DCX: variants seen among roughly 807,000 people sequenced by gnomAD.
DCX encodes doublecortin.
DCX carries 4 observed loss-of-function variants against 20.9 expected under a neutral mutation model. That is an observed-to-expected ratio of 0.19 (90% CI 0.09 to 0.44). The LOEUF is 0.44. Ranked by LOEUF, DCX falls within the 20% of genes least tolerant of loss-of-function variation. The pLI is 0.99. For synonymous variants in DCX, 103 were observed against 111.4 expected (o/e 0.92, Z 0.47); for missense variants, 133 against 296.9 (o/e 0.45, Z 4.06).
chrX:111,403,140 C>G (rs765489837), intron 2 of DCX, among the ~76,000 whole-genome samples: 1 of 111,535 alleles, frequency 9.0e-6, no homozygotes, highest in East Asian at 2.8e-4. Context: ...AGCCAATAAC[C>G]CCCATAACCC....
intron 6 of DCX, 102 bp from the exon 7 acceptor site, chrX:111,301,845 CATA>C: frequency 4.0e-6 from 3 of 748,479 alleles, no homozygotes; most frequent in Non-Finnish European, 6.0e-6. Context: ...ATTTTTACAA[CATA>C]ATAATTATAG....
At chrX:111,362,967 GT>G (rs1924328748) in intron 3 of DCX, among the ~76,000 whole-genome samples, 1 of 112,093 alleles carries the variant, frequency 8.9e-6, no homozygotes, top group African/African-American at 3.2e-5. Flanking sequence ...TTCTCATGTT[GT>G]TTACAGGCTG....
rs200058275 is a variant in DCX, at chrX:111,402,782, G to GGT, written c.365-1454_365-1453dup. Among the ~76,000 whole-genome samples, 311 of 96,860 alleles carry GGT rather than the reference G, an allele frequency of 3.2e-3. 1 individual carries two copies. The highest frequency in any genetic ancestry group is 0.011 in the African/African-American group (291 of 25,743). 84.1% of individuals were successfully genotyped at this position (96,860 alleles called of 115,157 possible). A position where few individuals can be genotyped will look rare whatever the true frequency, so the allele number is the denominator to read the frequency against. ...TGTGTATGTGTGTGTGTGTGTGCGT[G>GGT]GTGTGTGTGTGTGTGTGTGTGTGTG... On this transcript the variant is annotated intron_variant, in intron 2 of 6. Coordinates refer to ENST00000636035, the MANE Select transcript of DCX (RefSeq NM_001195553.2).
At chrX:111,405,711 A>T in intron 2 of DCX, among the ~76,000 whole-genome samples, 1 of 110,744 alleles carries the variant, frequency 9.0e-6, no homozygotes, top group Non-Finnish European at 1.9e-5. Context: ...AAAAAATAAT[A>T]AAAAAAACAA....
rs1239377245 is a variant in DCX, at chrX:111,296,712, G to A, written c.*4975C>T. 2 of 105,867 alleles carry A rather than the reference G, an allele frequency of 1.9e-5. No individual in the cohort carries two copies. The highest frequency in any genetic ancestry group is 5.9e-4 in the East Asian group (2 of 3,389). 8.7% of individuals were successfully genotyped at this position (105,867 alleles called of 1,213,427 possible). On this transcript the variant is annotated 3_prime_UTR_variant, in exon 7 of 7. Coordinates refer to ENST00000636035, the MANE Select transcript of DCX (RefSeq NM_001195553.2). Reference sequence around the variant, plus strand: ...GGAGGTGAAGGGTGAAGGTTGCAGCGAGCCAAGATTGTGCCACTGCACTCC... The same window carrying A: ...GGAGGTGAAGGGTGAAGGTTGCAGCAAGCCAAGATTGTGCCACTGCACTCC...
chrX:111,366,842 G>A (rs1270214364), intron 3 of DCX, among the ~76,000 whole-genome samples: 1 of 111,698 alleles, frequency 9.0e-6, no homozygotes, highest in Non-Finnish European at 1.9e-5. Flanking sequence ...TATCTATCAG[G>A]AATCAAAATA....
intron 1 of DCX, chrX:111,410,841 G>A: frequency 8.3e-7 from 1 of 1,211,395 alleles, no homozygotes; most frequent in Non-Finnish European, 1.1e-6. Flanking sequence ...ATGACTAACA[G>A]TTGTAAATGA....
chrX:111,384,330 C>T (rs1284581600), intron 3 of DCX, among the ~76,000 whole-genome samples: 2 of 111,351 alleles, frequency 1.8e-5, no homozygotes, highest in Non-Finnish European at 3.8e-5. Context: ...ATTATTAAGT[C>T]ACTCTCCATT....
At chrX:111,301,921 A>G (rs968629165) in intron 6 of DCX, among the ~76,000 whole-genome samples, 178 bp from the exon 7 acceptor site, 1 of 111,244 alleles carries the variant, frequency 9.0e-6, no homozygotes, top group Admixed American at 9.5e-5. Flanking sequence ...CCTTCATTCA[A>G]TTTTCCCTAA....
At chrX:111,356,815 T>G (rs753499505) in intron 3 of DCX, among the ~76,000 whole-genome samples, 1 of 112,132 alleles carries the variant, frequency 8.9e-6, no homozygotes, top group Non-Finnish European at 1.9e-5. Flanking sequence ...AATCAAGATT[T>G]AGAAAGTTTC....
At chrX:111,324,123 T>C (rs1004600708) in intron 5 of DCX, among the ~76,000 whole-genome samples, 1 of 111,766 alleles carries the variant, frequency 8.9e-6, no homozygotes, top group African/African-American at 3.3e-5. Context: ...ATAAGCCATA[T>C]ACACAGGATT....
intron 3 of DCX, among the ~76,000 whole-genome samples, chrX:111,346,285 T>C (rs1449835506): frequency 1.8e-5 from 2 of 111,836 alleles, no homozygotes; most frequent in Non-Finnish European, 3.8e-5. Flanking sequence ...CAATCTGGAA[T>C]GTTTCATAGA....
chrX:111,358,150 T>C (rs988529592), intron 3 of DCX, among the ~76,000 whole-genome samples: 1 of 112,189 alleles, frequency 8.9e-6, no homozygotes, highest in Non-Finnish European at 1.9e-5. Context: ...CTGACTAAGA[T>C]TTCATTTCTA....
intron 3 of DCX, among the ~76,000 whole-genome samples, chrX:111,369,351 T>C (rs914149161): frequency 1.8e-5 from 2 of 111,484 alleles, no homozygotes; most frequent in Admixed American, 1.9e-4. Flanking sequence ...CTTATGAAAA[T>C]TATACAATTC....
At position 111,298,080 on chromosome X, in the gene DCX, AGG is replaced by A. The variant is rs1300886299; in HGVS notation, c.*3605_*3606del. ...TGTTGAAAAGCCATCTCAGAAAGTT[AGG>A]ATGAACAAAGCTATTGTTCCACTCT... On this transcript the variant is annotated 3_prime_UTR_variant, in exon 7 of 7. Coordinates refer to ENST00000636035, the MANE Select transcript of DCX (RefSeq NM_001195553.2). 8.9e-6 allele frequency: 1 copy of A among 111,911 alleles called. No homozygotes were observed. Among genetic ancestry groups the A allele is most frequent in the Non-Finnish European group, 1.9e-5 (1 of 53,196 alleles). The allele number at this position is 111,911 out of a possible 1,213,427, so 9.2% of individuals were successfully genotyped here.
At chrX:111,341,883 T>C (rs1922273045) in intron 3 of DCX, among the ~76,000 whole-genome samples, 1 of 110,090 alleles carries the variant, frequency 9.1e-6, no homozygotes, top group East Asian at 2.9e-4. Flanking sequence ...AAGCACTAAA[T>C]ATGGAAGGGA....
intron 6 of DCX, among the ~76,000 whole-genome samples, chrX:111,305,714 C>T (rs1009611739): frequency 9.3e-6 from 1 of 107,528 alleles, no homozygotes; most frequent in Non-Finnish European, 1.9e-5. Flanking sequence ...ACTACATGAA[C>T]TAGATGAACT....
At chrX:111,357,956 T>C (rs1302988824) in intron 3 of DCX, among the ~76,000 whole-genome samples, 1 of 110,365 alleles carries the variant, frequency 9.1e-6, no homozygotes, top group Admixed American at 9.6e-5. Context: ...GCCTCCTGAG[T>C]AGCTGGGACT....
intron 3 of DCX, among the ~76,000 whole-genome samples, chrX:111,337,396 A>C (rs1052225651): frequency 7.2e-5 from 8 of 111,530 alleles, no homozygotes; most frequent in Non-Finnish European, 9.4e-5. Context: ...GAAAAAAAAA[A>C]CCAGCAGGTG....
Sources: allele counts gnomAD v4.1 joint callset (sites outside exome capture counted in the v4.1 genomes callset), GRCh38; gene constraint gnomAD v4.1.1; transcripts MANE v1.5; gene names NCBI Gene and HGNC (gene_info 2026-07-23, HGNC 2026-07-21).